The following PHTF2 variants were observed in gnomAD, a reference collection of about 807,000 sequenced individuals.
PHTF2 encodes putative homeodomain transcription factor 2.
A neutral mutation model predicts 101.2 loss-of-function variants in PHTF2; 60 were observed. That is an observed-to-expected ratio of 0.59 (90% CI 0.48 to 0.73). The LOEUF (loss-of-function observed/expected upper bound fraction) is 0.73, where lower values mean the gene tolerates loss of function less well. PHTF2 is among the 30% of genes least tolerant of loss of function. The pLI is 0.00. For synonymous variants in PHTF2, 311 were observed against 307.3 expected (o/e 1.01, Z -0.13); for missense variants, 747 against 908.7 (o/e 0.82, Z 2.29).
chr7:77,943,987 GC>G (rs2150981900), intron 16 of PHTF2, among the ~76,000 whole-genome samples: 1 of 152,116 alleles, frequency 6.6e-6, no homozygotes, highest in East Asian at 1.9e-4. Flanking sequence ...GGGGGATACA[GC>G]AAGACTCTGT....
chr7:77,929,111 C>T (rs750408762), exon 12 of PHTF2: 12 of 1,609,962 alleles, frequency 7.5e-6, no homozygotes, highest in South Asian at 4.4e-5. Flanking sequence ...GATTTCAGGA[C>T]GCCCCTAAAT....
At chr7:77,932,365 CT>C (rs749513593) in intron 12 of PHTF2, among the ~76,000 whole-genome samples, 89 of 152,178 alleles carry the variant, frequency 5.8e-4, no homozygotes, top group Admixed American at 1.4e-3. Context: ...AAAACATCCT[CT>C]GCTGAGATAG....
intron 9 of PHTF2, among the ~76,000 whole-genome samples, chr7:77,915,069 G>A (rs1802781566): frequency 6.9e-6 from 1 of 145,500 alleles, no homozygotes; most frequent in African/African-American, 2.6e-5. Flanking sequence ...GCACCACCAT[G>A]CCCAGCTCAT....
At chr7:77,916,026 A>G (rs1028419964) in intron 9 of PHTF2, among the ~76,000 whole-genome samples, 2 of 151,476 alleles carry the variant, frequency 1.3e-5, no homozygotes, top group Non-Finnish European at 2.9e-5. Flanking sequence ...TAAAAAGTAT[A>G]ATTTCTTCCT....
chr7:77,914,094 G>T (rs1002883563), intron 9 of PHTF2, among the ~76,000 whole-genome samples: 3 of 146,912 alleles, frequency 2.0e-5, no homozygotes, highest in African/African-American at 7.5e-5. Flanking sequence ...AAAAAAAAAA[G>T]AAATATCTAA....
chr7:77,840,541 G>T (rs1371136484), intron 2 of PHTF2, among the ~76,000 whole-genome samples: 3 of 152,154 alleles, frequency 2.0e-5, no homozygotes, highest in Non-Finnish European at 4.4e-5. Flanking sequence ...ATCTCCAGGA[G>T]TGGATAAAAT....
chr7:77,939,785 G>C (rs1043903747), intron 13 of PHTF2, among the ~76,000 whole-genome samples: 1 of 151,806 alleles, frequency 6.6e-6, no homozygotes, highest in Non-Finnish European at 1.5e-5. Flanking sequence ...TTTTTTTCAA[G>C]ATCTGGATGA....
At chr7:77,839,561 G>A (rs1795714261) in intron 1 of PHTF2, among the ~76,000 whole-genome samples, 2 of 152,040 alleles carry the variant, frequency 1.3e-5, no homozygotes, top group Non-Finnish European at 2.9e-5. Flanking sequence ...AACTTTTAGG[G>A]ACTGTATTTT....
intron 11 of PHTF2, among the ~76,000 whole-genome samples, chr7:77,927,177 A>AATATATATATAT (rs386410516): frequency 6.4e-4 from 50 of 78,102 alleles, no homozygotes; most frequent in Non-Finnish European, 9.8e-4. Flanking sequence ...AAAAAAAAAA[A>AATATATATATAT]ATATATATAT....
intron 11 of PHTF2, among the ~76,000 whole-genome samples, chr7:77,926,824 A>G (rs1804048614): frequency 2.6e-5 from 4 of 151,514 alleles, no homozygotes; most frequent in Admixed American, 2.6e-4. Context: ...ACAAAGTACA[A>G]AATTTAGCCA....
rs534725361 is a variant in PHTF2, at chr7:77,928,403, T to TA, written c.1120-705dup. On this transcript the variant is annotated intron_variant, in intron 11 of 19. Transcript: ENST00000416283. ...TATCTCAAGAACATGAGTTGGCAGT[T>TA]ACCTTCTTGGTTTAAATATCAATTT... Among the ~76,000 whole-genome samples the TA allele has an allele frequency of 1.1e-4, 17 of 152,342 alleles. No homozygotes were observed. In the South Asian group the frequency reaches 2.9e-3, roughly 26 times the overall value.
chr7:77,932,375 A>G (rs542042782), intron 12 of PHTF2, among the ~76,000 whole-genome samples: 4 of 152,208 alleles, frequency 2.6e-5, no homozygotes, highest in African/African-American at 9.6e-5. Context: ...CTGCTGAGAT[A>G]GGAGGATAAG....
exon 20 of PHTF2, chr7:77,954,922 G>A (rs1429562460): frequency 1.7e-6 from 2 of 1,144,086 alleles, no homozygotes; most frequent in Non-Finnish European, 2.6e-6. Context: ...CAGAATAAGA[G>A]TACTGACTAA....
chr7:77,879,255 T>C (rs1263078309), intron 3 of PHTF2, among the ~76,000 whole-genome samples: 2 of 152,220 alleles, frequency 1.3e-5, no homozygotes, highest in East Asian at 3.8e-4. Flanking sequence ...ACCGTAATCA[T>C]AGTGTTACTA....
At chr7:77,889,579 TTTTTTTTTTTTTTCC>T (rs1356984701) in intron 3 of PHTF2, among the ~76,000 whole-genome samples, 2 of 148,004 alleles carry the variant, frequency 1.4e-5, no homozygotes, top group East Asian at 2.0e-4. Context: ...AGTATTTTCT[TTTTTTTTTTTTTTCC>T]TTTTTTTTTT....
At chr7:77,926,452 G>T (rs1441057775) in intron 11 of PHTF2, among the ~76,000 whole-genome samples, 1 of 151,752 alleles carries the variant, frequency 6.6e-6, no homozygotes, top group Non-Finnish European at 1.5e-5. Flanking sequence ...TAAATAAACA[G>T]CCCTCCTCCC....
chr7:77,919,244 C>G (rs1803217883), intron 9 of PHTF2, among the ~76,000 whole-genome samples: 1 of 152,104 alleles, frequency 6.6e-6, no homozygotes, highest in South Asian at 2.1e-4. Context: ...AATACAGATT[C>G]CAATAGAACT....
chr7:77,905,319 G>A (rs1013891630), intron 7 of PHTF2, among the ~76,000 whole-genome samples: 12 of 150,774 alleles, frequency 8.0e-5, no homozygotes, highest in Admixed American at 1.3e-4. Context: ...TTGAACTCCC[G>A]GGCACAAACA....
At chr7:77,858,576 T>A (rs1797363010) in intron 3 of PHTF2, among the ~76,000 whole-genome samples, 1 of 152,104 alleles carries the variant, frequency 6.6e-6, no homozygotes, top group Non-Finnish European at 1.5e-5. Flanking sequence ...TTTGTTTAAT[T>A]TGAGAGGTTT....
Sources: allele counts gnomAD v4.1 joint callset (sites outside exome capture counted in the v4.1 genomes callset), GRCh38; gene constraint gnomAD v4.1.1; transcripts MANE v1.5; gene names NCBI Gene and HGNC (gene_info 2026-07-23, HGNC 2026-07-21).